TPP2: variants seen among roughly 807,000 people sequenced by gnomAD.
TPP2 encodes tripeptidyl-peptidase 2.
A neutral mutation model predicts 155.9 loss-of-function variants in TPP2; 34 were observed. That is an observed-to-expected ratio of 0.22 (90% CI 0.17 to 0.29). The LOEUF is 0.29. Among genes scored for constraint, TPP2 ranks in the 10% least tolerant of loss-of-function variants. TPP2 has a pLI of 1.00. For missense variants in TPP2, 1,028 were observed against 1,522.3 expected, an observed-to-expected ratio of 0.68 and a Z score of 5.40; for synonymous variants, 510 against 529.4, an observed-to-expected ratio of 0.96 and a Z score of 0.50.
intron 24 of TPP2, among the ~76,000 whole-genome samples, chr13:102,655,775 C>T (rs1436695566): frequency 6.6e-6 from 1 of 152,004 alleles, no homozygotes; most frequent in African/African-American, 2.4e-5. Context: ...TCTGTGCTGC[C>T]GGGTTTTCAG....
intron 2 of TPP2, among the ~76,000 whole-genome samples, chr13:102,605,973 C>T (rs1566316701): frequency 6.6e-6 from 1 of 152,302 alleles, no homozygotes; most frequent in East Asian, 1.9e-4. Context: ...CCGCCTGTCT[C>T]AGCCTCCCAA....
At position 102,616,552 on chromosome 13, in the gene TPP2, A is replaced by G. The variant is rs754143953; in HGVS notation, c.495+52A>G. 7 of 1,444,926 alleles carry G rather than the reference A, an allele frequency of 4.8e-6. No individual in the cohort carries two copies. In the African/African-American group the frequency reaches 8.6e-5, roughly 18 times the overall value. 89.5% of individuals were successfully genotyped at this position (1,444,926 alleles called of 1,614,324 possible). On this transcript the variant is annotated intron_variant, in intron 4 of 29. Transcript: ENST00000376052. ...CATTACCCTAGAACCATATTCCCAT[A>G]GAGTTTCTACAGAACTAATAGACTG... is the stretch of plus-strand genomic sequence containing the variant.
intron 28 of TPP2, among the ~76,000 whole-genome samples, chr13:102,675,623 C>T (rs1250523877): frequency 6.6e-6 from 1 of 152,172 alleles, no homozygotes; most frequent in Non-Finnish European, 1.5e-5. Flanking sequence ...CAGAGATTGA[C>T]AAACACTTGA....
At chr13:102,646,416 C>A in intron 20 of TPP2, 26 bp downstream of exon 20, 1 of 1,559,474 alleles carries the variant, frequency 6.4e-7, no homozygotes, top group Non-Finnish European at 8.8e-7. Flanking sequence ...GTAAAGTGTA[C>A]CCTTAGGATG....
chr13:102,604,233 G>C (rs1879646234), intron 1 of TPP2, among the ~76,000 whole-genome samples: 1 of 152,050 alleles, frequency 6.6e-6, no homozygotes. Flanking sequence ...CTCTAAACTT[G>C]TCCAGCCCAC....
At chr13:102,636,998 A>T in intron 13 of TPP2, 84 bp from the exon 14 acceptor site, 2 of 1,461,146 alleles carry the variant, frequency 1.4e-6, no homozygotes, top group Non-Finnish European at 1.8e-6. Context: ...CAAGTCGCTA[A>T]ATTTTTTTGG....
chr13:102,618,611 T>C lies in TPP2; in HGVS notation c.496-111T>C, dbSNP rs1880924419. ...TAGAACAAAATTTTCTTACATTTTTTCAGGGTAAAATAATTTTACTATGGA... is the reference window on the plus strand; with the variant it reads ...TAGAACAAAATTTTCTTACATTTTTCCAGGGTAAAATAATTTTACTATGGA... On this transcript the variant is annotated intron_variant, in intron 4 of 29. Coordinates refer to ENST00000376052, the MANE Select transcript of TPP2 (RefSeq NM_001330588.2). 6 of 1,386,884 alleles carry C rather than the reference T, an allele frequency of 4.3e-6. No individual in the cohort carries two copies. The East Asian group carries it at 1.5e-4, about 34-fold the overall frequency. 85.9% of individuals were successfully genotyped at this position (1,386,884 alleles called of 1,614,324 possible). A position where few individuals can be genotyped will look rare whatever the true frequency, so the allele number is the denominator to read the frequency against.
intron 15 of TPP2, 107 bp downstream of exon 15, chr13:102,638,422 G>A (rs1882534390): frequency 8.2e-7 from 1 of 1,224,856 alleles, no homozygotes; most frequent in South Asian, 1.2e-5. Context: ...CAGGTAATGG[G>A]GATTTTGTCT....
At chr13:102,618,302 A>G (rs1191189641) in intron 4 of TPP2, among the ~76,000 whole-genome samples, 3 of 152,226 alleles carry the variant, frequency 2.0e-5, no homozygotes, top group Non-Finnish European at 4.4e-5. Context: ...TTAAGAAATA[A>G]ATTTGAGATA....
At chr13:102,600,004 T>G (rs978412054) in intron 1 of TPP2, among the ~76,000 whole-genome samples, 2 of 151,824 alleles carry the variant, frequency 1.3e-5, no homozygotes, top group African/African-American at 4.8e-5. Context: ...AAAAAAAACC[T>G]TGTATTATAC....
chr13:102,677,724 C>T (rs983829807), intron 29 of TPP2, among the ~76,000 whole-genome samples: 3 of 152,216 alleles, frequency 2.0e-5, no homozygotes, highest in Non-Finnish European at 4.4e-5. Flanking sequence ...CCATCTAACT[C>T]CCCAGTTAGT....
chr13:102,599,511 C>T (rs1744747162), intron 1 of TPP2, among the ~76,000 whole-genome samples: 1 of 152,118 alleles, frequency 6.6e-6, no homozygotes, highest in African/African-American at 2.4e-5. Flanking sequence ...TGAGGCTGAA[C>T]TGGCAGTTTG....
At chr13:102,633,862 A>G in intron 10 of TPP2, 88 bp from the exon 11 acceptor site, 4 of 1,568,138 alleles carry the variant, frequency 2.6e-6, no homozygotes, top group South Asian at 1.2e-5. Flanking sequence ...GTGTTATACT[A>G]TTGGATTTAA....
At chr13:102,627,716 T>C (rs1013988989) in intron 7 of TPP2, 132 bp from the exon 8 acceptor site, 1 of 629,646 alleles carries the variant, frequency 1.6e-6, no homozygotes, top group African/African-American at 1.9e-5. Context: ...TATGGTGATA[T>C]GCCTGGAGGT....
At position 102,657,155 on chromosome 13, in the gene TPP2, A is replaced by G. The variant is rs753319452; in HGVS notation, c.3091A>G (p.Lys1031Glu). The change falls in exon 25 of 30, where the codon AAA becomes GAA. Residue 1031 changes from lysine (K) to glutamate (E), a missense_variant. Physicochemically the swap from Lys to Glu is moderately conservative, Grantham distance 56. Coordinates refer to ENST00000376052, the MANE Select transcript of TPP2 (RefSeq NM_001330588.2). The stretch of plus-strand genomic sequence containing the variant: ...AGATTCAGAAAAAGAGAAAGATTTA[A>G]AAGAAGAGTTTACTGAAGCATTACG... Reference protein sequence around the residue: ...EKDSEKEKDLKEEFTEALRDL... With the variant: ...EKDSEKEKDLEEEFTEALRDL... The G allele has an allele frequency of 1.3e-6, 2 of 1,598,812 alleles. No individual in the cohort carries two copies. The highest frequency in any genetic ancestry group is 1.8e-5 in the Admixed American group (1 of 55,204).
chr13:102,603,828 C>G (rs1257842937), intron 1 of TPP2, among the ~76,000 whole-genome samples: 1 of 151,986 alleles, frequency 6.6e-6, no homozygotes, highest in African/African-American at 2.4e-5. Context: ...GGTCACTCAG[C>G]CTGTATTACT....
intron 4 of TPP2, 132 bp downstream of exon 4, chr13:102,616,632 C>A (rs1314222331): frequency 1.5e-6 from 1 of 647,438 alleles, no homozygotes; most frequent in Non-Finnish European, 2.4e-6. Flanking sequence ...GTTAATTTTA[C>A]TAATTTTTCC....
intron 27 of TPP2, among the ~76,000 whole-genome samples, chr13:102,670,551 A>G (rs145210182): frequency 3.3e-5 from 5 of 152,312 alleles, no homozygotes; most frequent in South Asian, 4.1e-4. Flanking sequence ...AAAACAAACA[A>G]TTGAACTGAA....
At position 102,676,432 on chromosome 13, in the gene TPP2, A is replaced by G. The variant is rs201999783; in HGVS notation, c.3699+17A>G. On this transcript the variant is annotated intron_variant, in intron 29 of 29. Transcript: ENST00000376052. ...TGTATTCAAGTAAGTGATATTTAAA[A>G]TGTCACTGTTAAGCATCACTTTGAT... 2.5e-6 allele frequency: 4 copies of G among 1,605,706 alleles called. No individual in the cohort carries two copies. Among genetic ancestry groups the G allele is most frequent in the Non-Finnish European group, 2.6e-6 (3 of 1,174,628 alleles).
Sources: allele counts gnomAD v4.1 joint callset (sites outside exome capture counted in the v4.1 genomes callset), GRCh38; gene constraint gnomAD v4.1.1; transcripts MANE v1.5; gene names NCBI Gene and HGNC (gene_info 2026-07-23, HGNC 2026-07-21).